KANK1: variants seen among roughly 807,000 people sequenced by gnomAD.
KANK1 encodes the protein KN motif and ankyrin repeat domain-containing protein 1.
In KANK1, 109 loss-of-function variants were observed where a neutral mutation model predicts 106.2. The ratio of observed to expected loss-of-function variants is 1.03; its 90% CI spans 0.88 to 1.20. KANK1 has a LOEUF of 1.20. KANK1 is among the 50% of genes most tolerant of loss of function. The pLI, the probability that KANK1 is intolerant of heterozygous loss-of-function variation, is 0.00. For synonymous variants in KANK1, 873 were observed against 652.2 expected, an observed-to-expected ratio of 1.34 and a Z score of -5.16; for missense variants, 2,399 against 1,710.7, an observed-to-expected ratio of 1.40 and a Z score of -7.10.
chr9:735,487 C>T (rs1833543901), intron 7 of KANK1, among the ~76,000 whole-genome samples: 1 of 152,058 alleles, frequency 6.6e-6, no homozygotes, highest in Non-Finnish European at 1.5e-5. Context: ...TCTCATGTGT[C>T]GAAGTTATGT....
At chr9:602,815 T>G (rs1216157711) in intron 1 of KANK1, among the ~76,000 whole-genome samples, 2 of 151,924 alleles carry the variant, frequency 1.3e-5, no homozygotes, top group East Asian at 3.8e-4. Flanking sequence ...TTTTAGTTCT[T>G]GCAAAATAGA....
intron 1 of KANK1, among the ~76,000 whole-genome samples, chr9:609,595 ACTC>A (rs1455913894): frequency 6.6e-6 from 1 of 152,112 alleles, no homozygotes; most frequent in Non-Finnish European, 1.5e-5. Flanking sequence ...GCTCCACTGT[ACTC>A]CAGCCTGGGT....
chr9:553,166 A>G (rs1274501034), intron 1 of KANK1, among the ~76,000 whole-genome samples: 1 of 152,120 alleles, frequency 6.6e-6, no homozygotes, highest in Non-Finnish European at 1.5e-5. Context: ...TGCAATTGTA[A>G]TTTTGTCACC....
At chr9:671,075 C>T (rs1345250774) in intron 1 of KANK1, among the ~76,000 whole-genome samples, 1 of 145,586 alleles carries the variant, frequency 6.9e-6, no homozygotes, top group East Asian at 2.1e-4. Context: ...TTTGGTTATT[C>T]TGTGGGGAGA....
At chr9:736,887 T>C (rs1292314404) in intron 7 of KANK1, among the ~76,000 whole-genome samples, 1 of 152,222 alleles carries the variant, frequency 6.6e-6, no homozygotes, top group African/African-American at 2.4e-5. Flanking sequence ...CCAGATTTTA[T>C]AGCCATAGTA....
chr9:544,048 C>CA (rs1447733922), intron 1 of KANK1, among the ~76,000 whole-genome samples: 1 of 151,328 alleles, frequency 6.6e-6, no homozygotes, highest in East Asian at 1.9e-4. Context: ...ATTTTTGAGA[C>CA]AATGTTCTGT....
upstream of KANK1, among the ~76,000 whole-genome samples, chr9:504,051 C>T (rs1295673411): frequency 6.6e-6 from 1 of 152,146 alleles, no homozygotes; most frequent in Non-Finnish European, 1.5e-5. Context: ...CCGGGGCGAC[C>T]GTGCTGACGA....
intron 2 of KANK1, among the ~76,000 whole-genome samples, chr9:679,782 C>A (rs967704011): frequency 3.3e-5 from 5 of 152,034 alleles, no homozygotes; most frequent in Non-Finnish European, 7.4e-5. Flanking sequence ...GTGATAATAC[C>A]ACCTAGAAAT....
chr9:680,164 G>A (rs2139019202), intron 2 of KANK1, among the ~76,000 whole-genome samples: 1 of 152,212 alleles, frequency 6.6e-6, no homozygotes, highest in Non-Finnish European at 1.5e-5. Context: ...AGAGCATGAG[G>A]GGAAATTTCA....
In KANK1 at chr9:712,683, C is replaced by T; in HGVS notation, c.1917C>T (p.Val639=). ...GAGATTGTTCTGTTGACGTGACCGT[C>T]TGCTCTCCAAAGGAGTGCGCCTCCC... The part of the protein sequence containing the change: ...GCGDCSVDVT[V]CSPKECASRG... The change falls in exon 3 of 12, where the codon GTC becomes GTT. Residue 639 remains valine (V), a synonymous_variant. Transcript: ENST00000382297. 6.2e-7 allele frequency: 1 copy of T among 1,614,178 alleles called. No homozygotes were observed. Among genetic ancestry groups the T allele is most frequent in the South Asian group, 1.1e-5 (1 of 91,080 alleles).
At chr9:670,447 T>C (rs1249112478) in intron 1 of KANK1, among the ~76,000 whole-genome samples, 3 of 152,168 alleles carry the variant, frequency 2.0e-5, no homozygotes, top group South Asian at 2.1e-4. Flanking sequence ...CAGCACTAAA[T>C]GGTACTTAAA....
chr9:640,444 C>G (rs115825003), intron 1 of KANK1, among the ~76,000 whole-genome samples: 1,940 of 151,494 alleles, frequency 0.013, 42 homozygotes, highest in African/African-American at 0.044. Flanking sequence ...GTCTCCCAGA[C>G]TGGAGTGCAA....
At chr9:634,725 C>T (rs1259449283) in intron 1 of KANK1, among the ~76,000 whole-genome samples, 1 of 152,136 alleles carries the variant, frequency 6.6e-6, no homozygotes, top group Non-Finnish European at 1.5e-5. Context: ...TAGCCCATGC[C>T]CAGGAATGAA....
chr9:513,304 G>A (rs558788936), intron 1 of KANK1, among the ~76,000 whole-genome samples: 4 of 152,330 alleles, frequency 2.6e-5, no homozygotes, highest in Non-Finnish European at 5.9e-5. Context: ...TGAGTTGAGT[G>A]TTTGTATGTG....
In KANK1 at chr9:711,748, A is replaced by G. The variant is rs1826160966; in HGVS notation, c.982A>G (p.Asn328Asp). 9 of 1,614,164 alleles carry G rather than the reference A, an allele frequency of 5.6e-6. No individual in the cohort carries two copies. In the East Asian group the frequency reaches 2.0e-4, roughly 36 times the overall value. Residue 328 changes from asparagine (N) to aspartate (D), a missense_variant, in exon 3 of 12, where the codon AAC (asparagine) becomes GAC (aspartate). Physicochemically the swap from Asn to Asp is conservative, Grantham distance 23. Coordinates refer to ENST00000382297, the MANE Select transcript of KANK1 (RefSeq NM_015158.5). ...GVRKRSYSAG[N>D]ASQLEQLSRA... ...GAGGAAGCGGTCCTATAGTGCGGGG[A>G]ACGCCTCCCAGCTGGAACAGCTCTC...
intron 2 of KANK1, among the ~76,000 whole-genome samples, chr9:686,249 G>T (rs1223796863): frequency 6.6e-6 from 1 of 152,084 alleles, no homozygotes; most frequent in African/African-American, 2.4e-5. Flanking sequence ...TTTTCCCTCA[G>T]CATTTTTAGG....
intron 3 of KANK1, among the ~76,000 whole-genome samples, chr9:476,179 A>G (rs2058099417): frequency 6.6e-6 from 1 of 151,514 alleles, no homozygotes; most frequent in Admixed American, 6.6e-5. Context: ...ACTAAACTAC[A>G]AGGTCCTTAA....
chr9:524,204 A>C (rs1192732839), intron 1 of KANK1, among the ~76,000 whole-genome samples: 1 of 151,800 alleles, frequency 6.6e-6, no homozygotes, highest in Non-Finnish European at 1.5e-5. Context: ...CAGTTGTGAA[A>C]GTGATTGGCT....
At chr9:563,370 C>T (rs1245135482) in intron 1 of KANK1, among the ~76,000 whole-genome samples, 1 of 152,166 alleles carries the variant, frequency 6.6e-6, no homozygotes, top group Admixed American at 6.5e-5. Flanking sequence ...TAACTGAGAA[C>T]TCTGAACAGC....
Sources: gnomAD v4.1 joint callset for allele counts (sites outside exome capture counted in the v4.1 genomes callset) on GRCh38, gnomAD v4.1.1 for gene constraint, MANE v1.5 for transcripts, NCBI Gene and HGNC (gene_info 2026-07-23, HGNC 2026-07-21) for gene names.